The following CNTNAP5 variants were observed in gnomAD, a reference collection of about 807,000 sequenced individuals.
The protein encoded by CNTNAP5 is contactin associated protein family member 5.
In CNTNAP5, 72 loss-of-function variants were observed where a neutral mutation model predicts 150.2. The ratio of observed to expected loss-of-function variants is 0.48; its 90% CI spans 0.40 to 0.58. The LOEUF is 0.58. CNTNAP5 is among the 20% of genes least tolerant of loss of function. The pLI is 0.00. For synonymous variants in CNTNAP5, 672 were observed against 619.8 expected (o/e 1.08, Z -1.25); for missense variants, 1,636 against 1,626.2 (o/e 1.01, Z -0.10).
intron 1 of CNTNAP5, among the ~76,000 whole-genome samples, chr2:124,185,041 A>G (rs1453468673): frequency 6.6e-6 from 1 of 152,220 alleles, no homozygotes; most frequent in Non-Finnish European, 1.5e-5. Context: ...AGTATCTTCT[A>G]TCTACATCAC....
At chr2:124,475,063 A>T (rs766312823) in intron 7 of CNTNAP5, among the ~76,000 whole-genome samples, 181 bp downstream of exon 7, 1 of 152,114 alleles carries the variant, frequency 6.6e-6, no homozygotes. Context: ...TGTTAATTGC[A>T]CTAGTGGAAG....
At chr2:124,165,044 T>G (rs1684779076) in intron 1 of CNTNAP5, among the ~76,000 whole-genome samples, 1 of 152,288 alleles carries the variant, frequency 6.6e-6, no homozygotes, top group South Asian at 2.1e-4. Context: ...CTGGGCTGAC[T>G]TAATGTCTGT....
At chr2:124,823,664 C>G (rs953115435) in intron 19 of CNTNAP5, among the ~76,000 whole-genome samples, 4 of 152,174 alleles carry the variant, frequency 2.6e-5, no homozygotes, top group Non-Finnish European at 4.4e-5. Flanking sequence ...TGAGTCACCA[C>G]TCTGACACCT....
At chr2:124,483,238 C>T (rs952066977) in intron 7 of CNTNAP5, among the ~76,000 whole-genome samples, 7 of 152,312 alleles carry the variant, frequency 4.6e-5, no homozygotes, top group African/African-American at 1.7e-4. Context: ...CCAGGCTATG[C>T]TAACCCAGAA....
intron 13 of CNTNAP5, among the ~76,000 whole-genome samples, chr2:124,664,813 A>C (rs982244535): frequency 6.6e-6 from 1 of 152,184 alleles, no homozygotes; most frequent in Non-Finnish European, 1.5e-5. Flanking sequence ...CAGCCTCCCG[A>C]GTAGCTGGGA....
chr2:124,345,143 A>G (rs973411490), intron 3 of CNTNAP5, among the ~76,000 whole-genome samples: 2 of 152,204 alleles, frequency 1.3e-5, no homozygotes, highest in Non-Finnish European at 2.9e-5. Flanking sequence ...ATTGTGAAAA[A>G]CATTTCAGTG....
chr2:124,532,026 A>G (rs1488426729), intron 10 of CNTNAP5, among the ~76,000 whole-genome samples: 1 of 152,106 alleles, frequency 6.6e-6, no homozygotes, highest in African/African-American at 2.4e-5. Context: ...CAGTTTACAG[A>G]TTTGATTAGT....
chr2:124,230,210 C>T (rs1014066616), intron 2 of CNTNAP5, among the ~76,000 whole-genome samples: 32 of 152,106 alleles, frequency 2.1e-4, no homozygotes, highest in African/African-American at 7.5e-4. Context: ...TGCTAAGGAC[C>T]CTAAAGGTGT....
At chr2:124,169,767 G>A (rs1684888720) in intron 1 of CNTNAP5, among the ~76,000 whole-genome samples, 1 of 152,226 alleles carries the variant, frequency 6.6e-6, no homozygotes, top group South Asian at 2.1e-4. Context: ...CTCAGACTTA[G>A]CATGTGACTT....
At chr2:124,578,889 T>C (rs113476077) in intron 11 of CNTNAP5, among the ~76,000 whole-genome samples, 3,507 of 152,292 alleles carry the variant, frequency 0.023, 150 homozygotes, top group African/African-American at 0.08. Flanking sequence ...ATCATGACAC[T>C]CTTTGTTTTT....
chr2:124,370,505 G>T (rs1354196638), intron 3 of CNTNAP5, among the ~76,000 whole-genome samples: 1 of 152,114 alleles, frequency 6.6e-6, no homozygotes, highest in Non-Finnish European at 1.5e-5. Context: ...AAACAGCTCT[G>T]GACAGCAACT....
At chr2:124,715,702 G>A (rs1227427803) in intron 13 of CNTNAP5, among the ~76,000 whole-genome samples, 1 of 151,946 alleles carries the variant, frequency 6.6e-6, no homozygotes, top group East Asian at 1.9e-4. Context: ...TTAGTCACAC[G>A]GCTTTAACTT....
chr2:124,264,170 C>G (rs1484748323), intron 3 of CNTNAP5, among the ~76,000 whole-genome samples: 26 of 152,056 alleles, frequency 1.7e-4, no homozygotes, highest in Admixed American at 1.6e-3. Context: ...TCTGGATGCT[C>G]AAACCGTGGG....
At chr2:124,542,715 A>G (rs536633609) in intron 10 of CNTNAP5, among the ~76,000 whole-genome samples, 1 of 152,228 alleles carries the variant, frequency 6.6e-6, no homozygotes, top group Non-Finnish European at 1.5e-5. Flanking sequence ...TTAGCTCCCA[A>G]CCATAGTCAT....
At chr2:124,207,714 G>T (rs576111591) in intron 1 of CNTNAP5, among the ~76,000 whole-genome samples, 11 of 152,160 alleles carry the variant, frequency 7.2e-5, no homozygotes, top group Non-Finnish European at 1.5e-4. Flanking sequence ...GATTGCTAAA[G>T]GTTTTCTTCA....
chr2:124,227,640 ATGTG>A (rs200129722), intron 2 of CNTNAP5, among the ~76,000 whole-genome samples: 2,857 of 143,358 alleles, frequency 0.02, 53 homozygotes, highest in African/African-American at 0.04. Context: ...CATCGTGTGT[ATGTG>A]TGTGTGTGTG....
chr2:124,795,210 T>G (rs553602740), intron 18 of CNTNAP5, among the ~76,000 whole-genome samples: 1 of 152,318 alleles, frequency 6.6e-6, no homozygotes, highest in South Asian at 2.1e-4. Context: ...TATATTTGAG[T>G]AATGTGAGAT....
intron 1 of CNTNAP5, among the ~76,000 whole-genome samples, chr2:124,138,262 G>A (rs1053824929): frequency 6.6e-6 from 1 of 152,102 alleles, no homozygotes; most frequent in Non-Finnish European, 1.5e-5. Flanking sequence ...CCCCTATACA[G>A]CAACAACAAG....
chr2:124,576,538 C>T (rs2104944437), intron 11 of CNTNAP5, among the ~76,000 whole-genome samples: 1 of 152,284 alleles, frequency 6.6e-6, no homozygotes, highest in East Asian at 1.9e-4. Flanking sequence ...CTGGCTTCTA[C>T]TTTAACAGAA....
Sources: allele counts gnomAD v4.1 joint callset (sites outside exome capture counted in the v4.1 genomes callset), GRCh38; gene constraint gnomAD v4.1.1; transcripts MANE v1.5; gene names NCBI Gene and HGNC (gene_info 2026-07-23, HGNC 2026-07-21).